The following LRRTM4 variants were observed in gnomAD, a reference collection of about 807,000 sequenced individuals.
The protein encoded by LRRTM4 is leucine-rich repeat transmembrane neuronal protein 4.
Under a neutral mutation model 47.6 loss-of-function variants are expected in LRRTM4, and 25 were observed. The ratio of observed to expected loss-of-function variants is 0.53; its 90% CI spans 0.38 to 0.73. The LOEUF is 0.73. LRRTM4 is among the 30% of genes least tolerant of loss of function. LRRTM4 has a pLI of 0.00. For missense variants in LRRTM4, 638 were observed against 713.4 expected (o/e 0.89, Z 1.20); for synonymous variants, 311 against 269.5 (o/e 1.15, Z -1.51).
At chr2:77,081,490 T>C (rs1680531814) in intron 3 of LRRTM4, among the ~76,000 whole-genome samples, 1 of 152,034 alleles carries the variant, frequency 6.6e-6, no homozygotes, top group African/African-American at 2.4e-5. Flanking sequence ...TTTAAATAAA[T>C]GTGTAAGAAA....
chr2:77,198,357 A>G (rs1186786020), intron 3 of LRRTM4, among the ~76,000 whole-genome samples: 1 of 152,186 alleles, frequency 6.6e-6, no homozygotes, highest in Non-Finnish European at 1.5e-5. Flanking sequence ...CATTGTGTCA[A>G]AGGAAGAAGA....
At chr2:76,788,598 T>A (rs1674802895) in intron 3 of LRRTM4, among the ~76,000 whole-genome samples, 1 of 152,212 alleles carries the variant, frequency 6.6e-6, no homozygotes, top group African/African-American at 2.4e-5. Context: ...AGGAAGTTTA[T>A]AATGCAAGTT....
intron 3 of LRRTM4, among the ~76,000 whole-genome samples, chr2:76,909,225 G>C (rs1040367638): frequency 2.0e-5 from 3 of 152,090 alleles, no homozygotes; most frequent in South Asian, 2.1e-4. Flanking sequence ...ACAAACCTGA[G>C]AAAAACAAGC....
chr2:77,260,417 A>T (rs1675889264), intron 3 of LRRTM4, among the ~76,000 whole-genome samples: 1 of 145,162 alleles, frequency 6.9e-6, no homozygotes. Flanking sequence ...GTGTGTGTAG[A>T]TAGTTGATTG....
At chr2:77,461,429 C>T (rs1032780455) in intron 3 of LRRTM4, among the ~76,000 whole-genome samples, 1 of 152,052 alleles carries the variant, frequency 6.6e-6, no homozygotes, top group East Asian at 1.9e-4. Flanking sequence ...TCACTGGATA[C>T]ACACATCTTC....
chr2:77,145,573 C>A (rs1672235080), intron 3 of LRRTM4, among the ~76,000 whole-genome samples: 1 of 151,240 alleles, frequency 6.6e-6, no homozygotes, highest in Non-Finnish European at 1.5e-5. Context: ...TCGAGACCAT[C>A]CTGGCTAACA....
chr2:77,187,077 G>A (rs1673528395), intron 3 of LRRTM4, among the ~76,000 whole-genome samples: 1 of 152,062 alleles, frequency 6.6e-6, no homozygotes, highest in East Asian at 1.9e-4. Context: ...ACCCATCTAT[G>A]GCTGCTACAA....
chr2:76,956,825 A>T (rs1048858892), intron 3 of LRRTM4, among the ~76,000 whole-genome samples: 1 of 151,508 alleles, frequency 6.6e-6, no homozygotes, highest in African/African-American at 2.4e-5. Flanking sequence ...TTTGTGAAAA[A>T]TTTGAATAAT....
chr2:77,116,095 T>C (rs1439858892), intron 3 of LRRTM4, among the ~76,000 whole-genome samples: 1 of 152,136 alleles, frequency 6.6e-6, no homozygotes, highest in Non-Finnish European at 1.5e-5. Context: ...TGCATTTGGA[T>C]AACTCAATTT....
chr2:77,361,510 A>G (rs1672210364), intron 3 of LRRTM4, among the ~76,000 whole-genome samples: 1 of 152,160 alleles, frequency 6.6e-6, no homozygotes, highest in South Asian at 2.1e-4. Flanking sequence ...CTCATCCTTA[A>G]AAAAACTGTT....
At chr2:77,378,664 A>G (rs1175403875) in intron 3 of LRRTM4, among the ~76,000 whole-genome samples, 2 of 152,252 alleles carry the variant, frequency 1.3e-5, no homozygotes, top group East Asian at 3.9e-4. Context: ...ACTTCACCTT[A>G]TGTCCTCCAC....
intron 3 of LRRTM4, among the ~76,000 whole-genome samples, chr2:77,350,332 C>CAAAAAAAAAAAAAAA (rs61365229): frequency 5.1e-5 from 2 of 39,182 alleles, no homozygotes; most frequent in Non-Finnish European, 4.5e-5. Context: ...GACTCCGTCT[C>CAAAAAAAAAAAAAAA]AAAAAAAAAA....
intron 3 of LRRTM4, among the ~76,000 whole-genome samples, chr2:77,150,633 A>G (rs1344150066): frequency 1.3e-5 from 2 of 152,196 alleles, no homozygotes; most frequent in African/African-American, 2.4e-5. Context: ...CATATATAAT[A>G]TTCTCCGTAA....
At chr2:76,896,469 A>G (rs1558721057) in intron 3 of LRRTM4, among the ~76,000 whole-genome samples, 1 of 152,044 alleles carries the variant, frequency 6.6e-6, no homozygotes, top group South Asian at 2.1e-4. Flanking sequence ...ATGAAAAAAA[A>G]TCATCAAGCT....
chr2:76,922,176 C>A (rs192930247), intron 3 of LRRTM4, among the ~76,000 whole-genome samples: 2 of 152,024 alleles, frequency 1.3e-5, no homozygotes, highest in African/African-American at 4.8e-5. Context: ...CTCACTTATA[C>A]ATGTATATTA....
At chr2:76,891,236 T>G (rs1349168844) in intron 3 of LRRTM4, among the ~76,000 whole-genome samples, 1 of 151,570 alleles carries the variant, frequency 6.6e-6, no homozygotes, top group South Asian at 2.1e-4. Context: ...AATCTTTAGT[T>G]AATTATAATA....
chr2:77,043,428 AAG>A (rs1679104084), intron 3 of LRRTM4, among the ~76,000 whole-genome samples: 1 of 151,786 alleles, frequency 6.6e-6, no homozygotes, highest in Admixed American at 6.6e-5. Context: ...TATAGCAACA[AAG>A]AGCACTTCTG....
intron 3 of LRRTM4, among the ~76,000 whole-genome samples, chr2:77,321,568 GAAAGAAAAGA>G (rs1204766752): frequency 7.9e-5 from 9 of 113,272 alleles, no homozygotes; most frequent in Non-Finnish European, 9.8e-5. Context: ...GGGGGTGTGT[GAAAGAAAAGA>G]AAAGAAAAGA....
chr2:76,989,487 T>C (rs761704700), intron 3 of LRRTM4, among the ~76,000 whole-genome samples: 44 of 151,898 alleles, frequency 2.9e-4, no homozygotes, highest in Non-Finnish European at 5.9e-4. Flanking sequence ...TTGGATATAG[T>C]ACCAAAAAGG....
Sources: allele counts gnomAD v4.1 joint callset (sites outside exome capture counted in the v4.1 genomes callset), GRCh38; gene constraint gnomAD v4.1.1; transcripts MANE v1.5; gene names NCBI Gene and HGNC (gene_info 2026-07-23, HGNC 2026-07-21).